Variants in STAM observed in about 807,000 individuals in gnomAD.
STAM encodes the protein signal transducing adapter molecule 1.
STAM carries 16 observed loss-of-function variants against 63.4 expected under a neutral mutation model. The ratio of observed to expected loss-of-function variants is 0.25; its 90% confidence interval spans 0.17 to 0.38. STAM has a LOEUF of 0.38. STAM is among the 10% of genes least tolerant of loss of function. The pLI, the probability that STAM is intolerant of heterozygous loss-of-function variation, is 1.00. For synonymous variants in STAM, 238 were observed against 223.9 expected (o/e 1.06, Z -0.56); for missense variants, 636 against 657.1 (o/e 0.97, Z 0.35).
chr10:17,673,649 G>A lies in STAM; in HGVS notation c.126-11026G>A, dbSNP rs115111106. ...CCTTCAGCAGCCCTCATGATGGGGAGATAAGTAGTTAAGGAGAAAAACCCC... is the reference window on the plus strand; with the variant it reads ...CCTTCAGCAGCCCTCATGATGGGGAAATAAGTAGTTAAGGAGAAAAACCCC... On this transcript the variant is annotated intron_variant, in intron 2 of 13. Coordinates refer to ENST00000377524, the MANE Select transcript of STAM (RefSeq NM_003473.4). Among the ~76,000 whole-genome samples, 910 of 152,294 alleles carry A rather than the reference G, an allele frequency of 6.0e-3. 9 individuals are homozygous for A. Among genetic ancestry groups the A allele is most frequent in the African/African-American group, 0.021 (866 of 41,546 alleles).
At chr10:17,683,340 T>A (rs1554825670) in intron 2 of STAM, among the ~76,000 whole-genome samples, 3 of 152,102 alleles carry the variant, frequency 2.0e-5, no homozygotes, top group African/African-American at 7.2e-5. Context: ...TGTATTATTT[T>A]TTGTAGAGAT....
chr10:17,657,886 A>G (rs1242460504), intron 1 of STAM, among the ~76,000 whole-genome samples: 4 of 148,258 alleles, frequency 2.7e-5, no homozygotes, highest in Non-Finnish European at 5.9e-5. Flanking sequence ...GGCTAGCAGC[A>G]TATCGGTTTT....
intron 8 of STAM, among the ~76,000 whole-genome samples, chr10:17,697,820 TAC>T (rs1554827798): frequency 6.6e-6 from 1 of 152,140 alleles, no homozygotes; most frequent in African/African-American, 2.4e-5. Context: ...GTTGATATGC[TAC>T]AGTTATTTGG....
Position 17,715,774 on chromosome 10 carries a change from T to C in STAM, c.*994T>C, listed in dbSNP as rs182038699. 2.4e-4 allele frequency: 36 copies of C among 152,710 alleles called. No homozygotes were observed. The highest frequency in any genetic ancestry group is 6.5e-4 in the Admixed American group (10 of 15,294). 9.5% of individuals were successfully genotyped at this position (152,710 alleles called of 1,614,324 possible). On this transcript the variant is annotated 3_prime_UTR_variant, in exon 14 of 14. Transcript: ENST00000377524. Reference sequence around the variant, plus strand: ...CCTGAATTACACTACATTTTCGAAGTCTCTTGTAATTATTTGGGATATCAA... The same window carrying C: ...CCTGAATTACACTACATTTTCGAAGCCTCTTGTAATTATTTGGGATATCAA...
At chr10:17,653,226 A>T (rs1833808332) in intron 1 of STAM, among the ~76,000 whole-genome samples, 1 of 152,178 alleles carries the variant, frequency 6.6e-6, no homozygotes, top group South Asian at 2.1e-4. Context: ...CCAATTGTAG[A>T]ATCCATGAAG....
intron 1 of STAM, among the ~76,000 whole-genome samples, chr10:17,646,305 G>A (rs955139403): frequency 7.2e-5 from 11 of 152,056 alleles, no homozygotes; most frequent in Non-Finnish European, 1.3e-4. Flanking sequence ...ACTAGATGCC[G>A]GTGACACCCA....
intron 3 of STAM, 28 bp downstream of exon 3, chr10:17,684,778 A>C: frequency 6.2e-7 from 1 of 1,613,638 alleles, no homozygotes; most frequent in Non-Finnish European, 8.5e-7. Context: ...AATCTGTACC[A>C]CGAAATTACC....
At chr10:17,660,925 C>G (rs1564533404) in intron 2 of STAM, among the ~76,000 whole-genome samples, 1 of 152,088 alleles carries the variant, frequency 6.6e-6, no homozygotes, top group Non-Finnish European at 1.5e-5. Context: ...TAATCACCCT[C>G]CTTCATATTT....
chr10:17,703,511 C>A (rs782665591), intron 9 of STAM, among the ~76,000 whole-genome samples: 12 of 151,916 alleles, frequency 7.9e-5, no homozygotes, highest in Non-Finnish European at 1.5e-5. Flanking sequence ...ATGTAAAAAC[C>A]ATGCATGGAG....
intron 4 of STAM, among the ~76,000 whole-genome samples, chr10:17,685,989 T>G (rs1790185350): frequency 6.6e-6 from 1 of 152,186 alleles, no homozygotes; most frequent in African/African-American, 2.4e-5. Context: ...ATGCCTCATG[T>G]TTTTGGGAAA....
chr10:17,651,967 C>G (rs537639140), intron 1 of STAM, among the ~76,000 whole-genome samples: 9 of 152,276 alleles, frequency 5.9e-5, no homozygotes, highest in African/African-American at 2.2e-4. Flanking sequence ...GTTCTCTAAT[C>G]TTTTGAAAAG....
chr10:17,677,965 C>CT (rs35059702), intron 2 of STAM, among the ~76,000 whole-genome samples: 20,574 of 152,120 alleles, frequency 0.14, 1,618 homozygotes, highest in East Asian at 0.27. Flanking sequence ...AAAGTTTTTA[C>CT]TTTTATAAAT....
In STAM at chr10:17,716,154, CA is replaced by C. The variant is rs1409013697; in HGVS notation, c.*1376del. 1.2e-3 allele frequency among the ~76,000 whole-genome samples: 189 copies of C among 152,156 alleles called. No homozygotes were observed. The highest frequency in any genetic ancestry group is 4.4e-3 in the African/African-American group (181 of 41,522). Reference sequence around the variant, plus strand: ...TACTATTATTTTAGCACTATTTAAACAACGGAAAAGTTGAGTCGAACATCAT... The same window carrying C: ...TACTATTATTTTAGCACTATTTAAACACGGAAAAGTTGAGTCGAACATCAT... On this transcript the variant is annotated 3_prime_UTR_variant, in exon 14 of 14. Coordinates refer to ENST00000377524, the MANE Select transcript of STAM (RefSeq NM_003473.4).
intron 2 of STAM, among the ~76,000 whole-genome samples, chr10:17,668,099 G>A (rs1834471710): frequency 6.6e-6 from 1 of 152,214 alleles, no homozygotes; most frequent in African/African-American, 2.4e-5. Context: ...AGTGTTGAAA[G>A]CATCACTTAC....
intron 11 of STAM, among the ~76,000 whole-genome samples, 182 bp from the exon 12 acceptor site, chr10:17,705,406 A>T (rs1836215339): frequency 6.6e-6 from 1 of 152,208 alleles, no homozygotes; most frequent in South Asian, 2.1e-4. Context: ...ACAGCACGTA[A>T]ACCTTAAACA....
chr10:17,671,716 T>G (rs2131604727), intron 2 of STAM, among the ~76,000 whole-genome samples: 1 of 152,340 alleles, frequency 6.6e-6, no homozygotes, highest in East Asian at 1.9e-4. Flanking sequence ...GCAAACATAT[T>G]TGTTAACCAT....
At chr10:17,665,697 T>G (rs1452841231) in intron 2 of STAM, among the ~76,000 whole-genome samples, 1 of 151,916 alleles carries the variant, frequency 6.6e-6, no homozygotes, top group Non-Finnish European at 1.5e-5. Flanking sequence ...GAATGAAAAT[T>G]AGTAATTTTT....
At chr10:17,704,914 G>T in intron 10 of STAM, 56 bp from the exon 11 acceptor site, 2 of 1,381,648 alleles carry the variant, frequency 1.4e-6, no homozygotes, top group Non-Finnish European at 1.0e-6. Context: ...TCTATCAAAG[G>T]TTCACATTTT....
intron 9 of STAM, among the ~76,000 whole-genome samples, chr10:17,703,481 C>CTA (rs2131679533): frequency 6.6e-6 from 1 of 151,996 alleles, no homozygotes; most frequent in East Asian, 1.9e-4. Flanking sequence ...CCCTGCGTAC[C>CTA]TATATATAGT....
Sources: gnomAD v4.1 joint callset for allele counts (sites outside exome capture counted in the v4.1 genomes callset) on GRCh38, gnomAD v4.1.1 for gene constraint, MANE v1.5 for transcripts, NCBI Gene and HGNC (gene_info 2026-07-23, HGNC 2026-07-21) for gene names.